Variants in TLR3 observed in about 807,000 individuals in gnomAD.
TLR3 encodes toll like receptor 3.
In TLR3, 43 loss-of-function variants were observed where a neutral mutation model predicts 66.4. That is an observed-to-expected ratio of 0.65 (90% CI 0.51 to 0.83). The LOEUF (loss-of-function observed/expected upper bound fraction) is 0.83. Among genes scored for constraint, TLR3 ranks in the 40% least tolerant of loss-of-function variants. TLR3 has a pLI of 0.00. For missense variants in TLR3, 982 were observed against 1,044.6 expected (o/e 0.94, Z 0.83); for synonymous variants, 397 against 397.2 (o/e 1.00, Z 0.01).
chr4:186,085,191 G>A lies in TLR3; in HGVS notation c.*318G>A, dbSNP rs768569343. On this transcript the variant is annotated 3_prime_UTR_variant, in exon 5 of 5. Transcript: ENST00000296795. ...ATTCCTCATTTTAAGAAAAGTTAGA[G>A]GTATATGAGGGTTTGTGATGATCTT... The A allele has an allele frequency of 2.5e-4, 79 of 312,142 alleles. 1 individual carries two copies. Among genetic ancestry groups the A allele is most frequent in the South Asian group, 1.3e-3 (33 of 25,944 alleles). 19.3% of individuals were successfully genotyped at this position (312,142 alleles called of 1,614,324 possible). A position where few individuals can be genotyped will look rare whatever the true frequency, so the allele number is the denominator to read the frequency against.
At position 186,082,924 on chromosome 4, in the gene TLR3, A is replaced by G; in HGVS notation, c.1238A>G (p.Asn413Ser). 1 of 1,614,116 alleles carries G rather than the reference A, an allele frequency of 6.2e-7. No homozygotes were observed. Among genetic ancestry groups the G allele is most frequent in the Non-Finnish European group, 8.5e-7 (1 of 1,180,020 alleles). The change falls in exon 4 of 5, where the codon AAC becomes AGC. Residue 413 changes from asparagine (N) to serine (S), a missense_variant. Asn to Ser is a conservative substitution (Grantham distance 46). Around this residue, in one of 3 missense-constraint regions of TLR3, gnomAD observed 666 missense variants for 709.0 expected, o/e 0.94. Coordinates refer to ENST00000296795, the MANE Select transcript of TLR3 (RefSeq NM_003265.3). ...GCTCATTCTCCCTTACACATACTCA[A>G]CCTAACCAAGAATAAAATCTCAAAA... is the stretch of plus-strand genomic sequence containing the variant. Reference protein sequence around the residue: ...SLAHSPLHILNLTKNKISKIE... With the variant: ...SLAHSPLHILSLTKNKISKIE...
At chr4:186,075,258 G>C (rs897381041) in intron 1 of TLR3, among the ~76,000 whole-genome samples, 6 of 152,186 alleles carry the variant, frequency 3.9e-5, no homozygotes, top group Non-Finnish European at 8.8e-5. Context: ...ATGACGGCTA[G>C]ATTAGTAGGT....
Position 186,083,376 on chromosome 4 carries a change from C to T in TLR3, c.1690C>T (p.Leu564Phe). Residue 564 changes from leucine (L) to phenylalanine (F), a missense_variant, in exon 4 of 5, where the codon CTC (leucine) becomes TTC (phenylalanine). By Grantham distance (22) the Leu-to-Phe change is conservative. Coordinates refer to ENST00000296795, the MANE Select transcript of TLR3 (RefSeq NM_003265.3). The surrounding 1 kb of genome is among the most constrained non-coding windows in gnomAD (Gnocchi z 4.0). Reference protein sequence around the residue: ...PIYFLKGLSHLHILNLESNGF... With the variant: ...PIYFLKGLSHFHILNLESNGF... ...TTATTTCCTAAAGGGTCTGTCTCAC[C>T]TCCACATCCTTAACTTGGAGTCCAA... The T allele has an allele frequency of 1.2e-6, 2 of 1,614,184 alleles. No individual in the cohort carries two copies. The highest frequency in any genetic ancestry group is 1.1e-5 in the South Asian group (1 of 91,084).
intron 3 of TLR3, chr4:186,081,998 G>A (rs1236837953): frequency 1.2e-5 from 4 of 321,854 alleles, no homozygotes; most frequent in East Asian, 1.5e-4. Flanking sequence ...AGGCTGAGGC[G>A]GGCGGATCAT....
At chr4:186,071,087 A>C (rs2099301385) in intron 1 of TLR3, among the ~76,000 whole-genome samples, 1 of 152,232 alleles carries the variant, frequency 6.6e-6, no homozygotes, top group African/African-American at 2.4e-5. Context: ...GTTACTGATG[A>C]AAAGTTTTTT....
At chr4:186,073,976 T>C (rs2150065672) in intron 1 of TLR3, among the ~76,000 whole-genome samples, 1 of 152,282 alleles carries the variant, frequency 6.6e-6, no homozygotes, top group Middle Eastern at 3.4e-3. Context: ...ATATCGTTAG[T>C]CGGCAGGGAA....
Position 186,087,286 on chromosome 4 carries a change from T to A in TLR3, c.*2413T>A, listed in dbSNP as rs1237283748. 6.6e-5 allele frequency: 10 copies of A among 152,190 alleles called. No homozygotes were observed. The highest frequency in any genetic ancestry group is 6.5e-4 in the Admixed American group (10 of 15,274). The allele number at this position is 152,190 out of a possible 1,614,324, so 9.4% of individuals were successfully genotyped here. A position where few individuals can be genotyped will look rare whatever the true frequency, so the allele number is the denominator to read the frequency against. On this transcript the variant is annotated 3_prime_UTR_variant, in exon 5 of 5. Transcript: ENST00000296795. The stretch of plus-strand genomic sequence containing the variant: ...AGATGCACAGGTAATGACCTCTAAA[T>A]GAATGCCAATAAAAATAGTAAAAGG...
chr4:186,083,271 C>T lies in TLR3; in HGVS notation c.1585C>T (p.Leu529Phe), dbSNP rs201222071. 105 of 1,614,022 alleles carry T rather than the reference C, an allele frequency of 6.5e-5. No homozygotes were observed. Among genetic ancestry groups the T allele is most frequent in the Admixed American group, 3.3e-5 (2 of 59,992 alleles). The change falls in exon 4 of 5, where the codon CTT becomes TTT. Residue 529 changes from leucine (L) to phenylalanine (F), a missense_variant. By Grantham distance (22) the Leu-to-Phe change is conservative. Around this residue, in one of 3 missense-constraint regions of TLR3, gnomAD observed 666 missense variants for 709.0 expected, o/e 0.94. Coordinates refer to ENST00000296795, the MANE Select transcript of TLR3 (RefSeq NM_003265.3). The surrounding 1 kb of genome is among the most constrained non-coding windows in gnomAD (Gnocchi z 4.0). ...CATAAATGATGACATGTTGGAGGGT[C>T]TTGAGAAACTAGAAATTCTCGATTT... ...ANINDDMLEGLEKLEILDLQH... is the reference protein window; with the variant it reads ...ANINDDMLEGFEKLEILDLQH...
At position 186,086,534 on chromosome 4, in the gene TLR3, C is replaced by T. The variant is rs975996565; in HGVS notation, c.*1661C>T. On this transcript the variant is annotated 3_prime_UTR_variant, in exon 5 of 5. Transcript: ENST00000296795. Reference sequence around the variant, plus strand: ...ACTTTCATGTTATTTGCCACCCTGACAGCTGAGACACTGCTTTTCAGCATT... The same window carrying T: ...ACTTTCATGTTATTTGCCACCCTGATAGCTGAGACACTGCTTTTCAGCATT... The T allele has an allele frequency of 6.6e-6, 1 of 152,224 alleles. No homozygotes were observed. The highest frequency in any genetic ancestry group is 1.9e-4 in the East Asian group (1 of 5,198). The allele number at this position is 152,224 out of a possible 1,614,324, so 9.4% of individuals were successfully genotyped here.
At chr4:186,077,186 G>T in intron 2 of TLR3, 126 bp downstream of exon 2, 1 of 992,404 alleles carries the variant, frequency 1.0e-6, no homozygotes, top group Non-Finnish European at 1.5e-6. Context: ...CACAAATATT[G>T]CCATTATAAT....
intron 3 of TLR3, 93 bp from the exon 4 acceptor site, chr4:186,082,227 A>G (rs2099303651): frequency 1.0e-5 from 2 of 199,824 alleles, no homozygotes; most frequent in Non-Finnish European, 1.6e-5. Context: ...TCCGTCTCAA[A>G]AAAAAAAAAA....
intron 1 of TLR3, among the ~76,000 whole-genome samples, chr4:186,073,282 G>A (rs1455373154): frequency 6.6e-6 from 1 of 152,044 alleles, no homozygotes; most frequent in Non-Finnish European, 1.5e-5. Flanking sequence ...CACTTTGGGA[G>A]GCCGAGGTGG....
At chr4:186,082,138 T>A in intron 3 of TLR3, 182 bp from the exon 4 acceptor site, 1 of 606,734 alleles carries the variant, frequency 1.6e-6, no homozygotes, top group Non-Finnish European at 2.8e-6. Context: ...GGCAGGAGAA[T>A]TGCTTGAACT....
chr4:186,075,724 T>C, intron 1 of TLR3, among the ~76,000 whole-genome samples: 1 of 152,212 alleles, frequency 6.6e-6, no homozygotes, highest in Middle Eastern at 3.2e-3. Context: ...AAGGACCTCA[T>C]ATGTAATCAT....
chr4:186,080,263 C>T (rs2099303208), intron 3 of TLR3, among the ~76,000 whole-genome samples: 1 of 151,714 alleles, frequency 6.6e-6, no homozygotes, highest in African/African-American at 2.4e-5. Context: ...GCAAGCTCTT[C>T]ATTTTATTTT....
intron 1 of TLR3, among the ~76,000 whole-genome samples, chr4:186,075,030 C>G (rs2099302215): frequency 1.3e-5 from 2 of 150,788 alleles, no homozygotes; most frequent in African/African-American, 4.9e-5. Flanking sequence ...TTACAGTTAA[C>G]TTAAAAAAAA....
At chr4:186,084,516 A>T in intron 4 of TLR3, 129 bp from the exon 5 acceptor site, 1 of 691,280 alleles carries the variant, frequency 1.4e-6, no homozygotes, top group Non-Finnish European at 2.4e-6. Flanking sequence ...AAGAATTTTT[A>T]AAATAAAATT....
chr4:186,083,748 G>C lies in TLR3; in HGVS notation c.2062G>C (p.Val688Leu), dbSNP rs1472216563. Residue 688 changes from valine to leucine, a missense_variant, in exon 4 of 5, where the codon GTG becomes CTG. This residue lies in a region of TLR3 where 666 missense variants were observed against 709.0 expected (regional missense o/e 0.94). Coordinates refer to ENST00000296795, the MANE Select transcript of TLR3 (RefSeq NM_003265.3). The surrounding 1 kb of genome is among the most constrained non-coding windows in gnomAD (Gnocchi z 4.0). ...NTPPHYHGFP[V>L]RLFDTSSCKD... ...TCCACCTCACTATCATGGGTTCCCA[G>C]TGAGACTTTTTGATACATCATCTTG... 1 of 1,613,772 alleles carries C rather than the reference G, an allele frequency of 6.2e-7. No individual in the cohort carries two copies.
chr4:186,076,556 T>C (rs757422472), intron 1 of TLR3, 57 bp from the exon 2 acceptor site: 2 of 1,535,502 alleles, frequency 1.3e-6, no homozygotes, highest in Non-Finnish European at 9.0e-7. Flanking sequence ...TACCAATGCA[T>C]TTGAAAGCCA....
Sources: allele counts gnomAD v4.1 joint callset (sites outside exome capture counted in the v4.1 genomes callset), GRCh38; gene constraint gnomAD v4.1.1; regional missense constraint gnomAD v4.1.1; non-coding constraint Gnocchi (gnomAD v3.1); transcripts MANE v1.5; gene names NCBI Gene and HGNC (gene_info 2026-07-23, HGNC 2026-07-21).